The following WDPCP variants were observed in gnomAD, a reference collection of about 807,000 sequenced individuals.
WDPCP encodes the protein WD repeat containing planar cell polarity effector.
A neutral mutation model predicts 93.1 loss-of-function variants in WDPCP; 71 were observed. The observed-to-expected ratio is 0.76, with a 90% CI of 0.63 to 0.93. The LOEUF is 0.93. Ranked by LOEUF, WDPCP falls within the 40% of genes least tolerant of loss-of-function variation. The pLI is 0.00. For missense variants in WDPCP, 844 were observed against 887.4 expected (o/e 0.95, Z 0.62); for synonymous variants, 315 against 315.0 (o/e 1.00, Z 0.00).
chr2:63,699,733 A>C (rs1669016840), intron 2 of WDPCP, among the ~76,000 whole-genome samples: 1 of 152,236 alleles, frequency 6.6e-6, no homozygotes, highest in African/African-American at 2.4e-5. Flanking sequence ...AACTGGGAAA[A>C]GAAATATTGA....
chr2:63,492,764 C>A, intron 2 of WDPCP, 92 bp downstream of exon 2: 1 of 1,154,482 alleles, frequency 8.7e-7, no homozygotes, highest in Non-Finnish European at 1.3e-6. Context: ...GCAACTCCAG[C>A]TGGAGAATTC....
At chr2:63,602,576 G>A (rs1007678663) in intron 3 of WDPCP, among the ~76,000 whole-genome samples, 27 of 151,876 alleles carry the variant, frequency 1.8e-4, no homozygotes, top group African/African-American at 6.3e-4. Flanking sequence ...GTGTCTTTAT[G>A]AATGATTCTA....
chr2:63,275,082 T>C (rs1351560997), intron 13 of WDPCP, among the ~76,000 whole-genome samples: 1 of 152,114 alleles, frequency 6.6e-6, no homozygotes, highest in Non-Finnish European at 1.5e-5. Flanking sequence ...GCAAACTGAA[T>C]CCAACAAGAC....
chr2:63,271,524 A>T (rs150823723), intron 13 of WDPCP, among the ~76,000 whole-genome samples: 3,284 of 152,252 alleles, frequency 0.022, 60 homozygotes, highest in Non-Finnish European at 0.033. Flanking sequence ...ATCTGAGTAC[A>T]CCATCTAGGG....
intron 2 of WDPCP, among the ~76,000 whole-genome samples, chr2:63,804,977 G>A (rs1461901759): frequency 1.3e-5 from 2 of 151,946 alleles, no homozygotes; most frequent in Admixed American, 6.6e-5. Flanking sequence ...GCAGTGAGCC[G>A]AGATGGCACC....
intron 17 of WDPCP, among the ~76,000 whole-genome samples, chr2:63,124,050 A>T (rs1574657410): frequency 6.8e-6 from 1 of 146,464 alleles, no homozygotes; most frequent in African/African-American, 2.5e-5. Flanking sequence ...ATTGTTTCCA[A>T]TTTCTTCTTT....
intron 9 of WDPCP, among the ~76,000 whole-genome samples, chr2:63,422,874 C>T (rs1240948711): frequency 6.6e-6 from 1 of 152,006 alleles, no homozygotes; most frequent in Non-Finnish European, 1.5e-5. Flanking sequence ...ACAAATTTTA[C>T]AGAAAAAGAA....
intron 3 of WDPCP, among the ~76,000 whole-genome samples, chr2:63,639,651 C>T (rs940785288): frequency 2.0e-5 from 3 of 152,054 alleles, no homozygotes; most frequent in Admixed American, 6.5e-5. Flanking sequence ...TTTCACAGGA[C>T]AAAAACATTT....
intron 12 of WDPCP, among the ~76,000 whole-genome samples, chr2:63,314,665 T>A (rs572967867): frequency 2.0e-5 from 3 of 152,244 alleles, no homozygotes; most frequent in African/African-American, 7.2e-5. Flanking sequence ...CCCCATGAAA[T>A]CAGTATTCTA....
At chr2:63,372,974 T>G (rs1691526972) in intron 12 of WDPCP, among the ~76,000 whole-genome samples, 1 of 151,998 alleles carries the variant, frequency 6.6e-6, no homozygotes, top group Non-Finnish European at 1.5e-5. Flanking sequence ...AAATACAAAA[T>G]TAGCCGGGCA....
At chr2:63,752,599 A>G (rs1669902469) in intron 2 of WDPCP, 1 of 572,864 alleles carries the variant, frequency 1.7e-6, no homozygotes, top group Non-Finnish European at 3.1e-6. Context: ...AGAGCTGCTC[A>G]GGCTCTTTAG....
chr2:63,739,558 G>A (rs1669686279), intron 2 of WDPCP, among the ~76,000 whole-genome samples: 1 of 152,022 alleles, frequency 6.6e-6, no homozygotes, highest in Admixed American at 6.5e-5. Flanking sequence ...TGGGATTGCT[G>A]GGTTGAATGG....
intron 2 of WDPCP, among the ~76,000 whole-genome samples, chr2:63,764,563 A>G (rs1670110813): frequency 6.6e-6 from 1 of 152,210 alleles, no homozygotes; most frequent in Non-Finnish European, 1.5e-5. Context: ...AAGAGTAGAT[A>G]TGGTAAGTGA....
rs564273424 is a variant in WDPCP at position 63,795,262 on chromosome 2, C to T, written n.308+18360G>A. Among the ~76,000 whole-genome samples, 127 of 152,266 alleles carry T rather than the reference C, an allele frequency of 8.3e-4. 3 individuals are homozygous for T. The South Asian group carries it at 0.025, about 30-fold the overall frequency. ...AACAATGAGGATCCCACTGTTTTCA[C>T]GCTGAGAGGATGGTCACTCTTGTTC... is the stretch of plus-strand genomic sequence containing the variant. On this transcript the variant is annotated intron_variant and non_coding_transcript_variant, in intron 2 of 4. Transcript: ENST00000467687.
At chr2:63,507,868 G>T (rs536214886) in intron 1 of WDPCP, among the ~76,000 whole-genome samples, 7 of 152,208 alleles carry the variant, frequency 4.6e-5, no homozygotes, top group African/African-American at 1.7e-4. Context: ...AATAAAGTGT[G>T]AAGACAAGAT....
intron 12 of WDPCP, among the ~76,000 whole-genome samples, chr2:63,365,946 A>G (rs1443901490): frequency 6.6e-6 from 1 of 152,192 alleles, no homozygotes; most frequent in Non-Finnish European, 1.5e-5. Context: ...TAACTGTTCA[A>G]TGAGAACTTG....
chr2:63,241,529 C>G (rs1186781665), intron 14 of WDPCP, among the ~76,000 whole-genome samples: 1 of 152,100 alleles, frequency 6.6e-6, no homozygotes, highest in African/African-American at 2.4e-5. Flanking sequence ...AAGAGCAAAT[C>G]TTTACCTTCA....
intron 12 of WDPCP, among the ~76,000 whole-genome samples, chr2:63,342,295 C>T (rs917901778): frequency 3.9e-5 from 6 of 152,148 alleles, no homozygotes; most frequent in Non-Finnish European, 8.8e-5. Context: ...GGTCCATGGC[C>T]TGGGGATTGG....
chr2:63,184,770 A>G (rs923393139), intron 14 of WDPCP, among the ~76,000 whole-genome samples: 14 of 152,218 alleles, frequency 9.2e-5, no homozygotes, highest in Admixed American at 6.5e-5. Context: ...CTCTTATAAA[A>G]TTAGGGAAAT....
Sources: allele counts gnomAD v4.1 joint callset (sites outside exome capture counted in the v4.1 genomes callset), GRCh38; gene constraint gnomAD v4.1.1; transcripts MANE v1.5; gene names NCBI Gene and HGNC (gene_info 2026-07-23, HGNC 2026-07-21).